The following IL1RAPL1 variants were observed in gnomAD, a reference collection of about 807,000 sequenced individuals.
The protein encoded by IL1RAPL1 is interleukin 1 receptor accessory protein like 1, also known as interleukin-1 receptor accessory protein-like 1.
In IL1RAPL1, 3 loss-of-function variants were observed where a neutral mutation model predicts 48.4. The observed-to-expected ratio is 0.06, with a 90% CI of 0.03 to 0.16. IL1RAPL1 has a LOEUF of 0.16. IL1RAPL1 is among the 10% of genes least tolerant of loss of function. The pLI is 1.00. For synonymous variants in IL1RAPL1, 185 were observed against 187.7 expected (o/e 0.99, Z 0.12); for missense variants, 349 against 530.6 (o/e 0.66, Z 3.36).
chrX:28,927,398 A>G (rs1236539532), intron 2 of IL1RAPL1, among the ~76,000 whole-genome samples: 1 of 111,569 alleles, frequency 9.0e-6, no homozygotes, highest in African/African-American at 3.3e-5. Flanking sequence ...CTGTTTTCTA[A>G]CTTTAAACCC....
At chrX:29,453,623 A>T (rs67856517) in intron 5 of IL1RAPL1, among the ~76,000 whole-genome samples, 8,203 of 111,072 alleles carry the variant, frequency 0.074, 455 homozygotes, top group African/African-American at 0.19. Context: ...CTGCACATTG[A>T]CATCATCTGG....
At chrX:29,533,847 G>T (rs756463942) in intron 5 of IL1RAPL1, among the ~76,000 whole-genome samples, 1 of 111,694 alleles carries the variant, frequency 9.0e-6, no homozygotes, top group Admixed American at 9.5e-5. Flanking sequence ...TAATCCATTT[G>T]CTAGAGTTGG....
chrX:29,449,780 C>CACACAGAG (rs557765024), intron 5 of IL1RAPL1, among the ~76,000 whole-genome samples: 9 of 58,247 alleles, frequency 1.5e-4, no homozygotes, highest in African/African-American at 3.0e-4. Flanking sequence ...CACACACACA[C>CACACAGAG]AGAGAGAGAG....
chrX:28,680,880 C>T (rs1199313723), intron 1 of IL1RAPL1, among the ~76,000 whole-genome samples: 1 of 111,373 alleles, frequency 9.0e-6, no homozygotes, highest in Admixed American at 9.6e-5. Flanking sequence ...AGGATTTTTG[C>T]ATTGTCTGTA....
chrX:28,835,046 A>T (rs1921169804), intron 2 of IL1RAPL1, among the ~76,000 whole-genome samples: 2 of 111,910 alleles, frequency 1.8e-5, no homozygotes, highest in Admixed American at 1.9e-4. Flanking sequence ...AAGGCCACCA[A>T]AGTGACTTAT....
chrX:29,351,376 T>C (rs1188078190), intron 3 of IL1RAPL1, among the ~76,000 whole-genome samples: 1 of 111,698 alleles, frequency 9.0e-6, no homozygotes, highest in Non-Finnish European at 1.9e-5. Context: ...CTGAATCTAT[T>C]TCCTTAAGTG....
At chrX:28,656,848 A>C (rs1388347971) in intron 1 of IL1RAPL1, among the ~76,000 whole-genome samples, 1 of 109,134 alleles carries the variant, frequency 9.2e-6, no homozygotes, top group East Asian at 2.9e-4. Context: ...AACACGGTGA[A>C]ACCCCCTCTC....
chrX:29,208,604 T>G (rs1293596881), intron 2 of IL1RAPL1, among the ~76,000 whole-genome samples: 2 of 108,170 alleles, frequency 1.8e-5, no homozygotes, highest in Non-Finnish European at 3.8e-5. Context: ...CCAGCTACTC[T>G]GGAGGCTGAG....
chrX:29,119,662 G>C, intron 2 of IL1RAPL1, among the ~76,000 whole-genome samples: 1 of 111,093 alleles, frequency 9.0e-6, no homozygotes, highest in East Asian at 2.8e-4. Flanking sequence ...TGGAGGCTAA[G>C]TGTGGACCAA....
At chrX:29,771,138 ACT>A (rs1381698050) in intron 6 of IL1RAPL1, among the ~76,000 whole-genome samples, 2 of 111,495 alleles carry the variant, frequency 1.8e-5, no homozygotes. Context: ...GAAGCAGGAG[ACT>A]CTATAAGTTT....
chrX:29,148,110 G>T (rs1929385728), intron 2 of IL1RAPL1, among the ~76,000 whole-genome samples: 1 of 111,516 alleles, frequency 9.0e-6, no homozygotes, highest in Non-Finnish European at 1.9e-5. Context: ...TGCATATATT[G>T]TATGTGTATG....
Position 29,285,192 on chromosome X carries a change from A to G in IL1RAPL1, c.362+1975A>G, listed in dbSNP as rs193175789. Among the ~76,000 whole-genome samples the G allele has an allele frequency of 1.8e-3, 205 of 110,916 alleles. 1 individual carries two copies. The highest frequency in any genetic ancestry group is 6.3e-3 in the African/African-American group (191 of 30,480). Reference sequence around the variant, plus strand: ...CACTGAGGTTGCAATTCTCTGATGTATTTAAATATACACTGTGATCCAATA... The same window carrying G: ...CACTGAGGTTGCAATTCTCTGATGTGTTTAAATATACACTGTGATCCAATA... On this transcript the variant is annotated intron_variant, in intron 3 of 10. Transcript: ENST00000378993.
intron 2 of IL1RAPL1, among the ~76,000 whole-genome samples, chrX:28,864,373 C>G (rs1922027135): frequency 8.9e-6 from 1 of 111,880 alleles, no homozygotes; most frequent in Non-Finnish European, 1.9e-5. Flanking sequence ...TTTTTCTACT[C>G]TAATGGAGCT....
chrX:28,797,113 G>T (rs1901133875), intron 2 of IL1RAPL1, among the ~76,000 whole-genome samples: 1 of 112,041 alleles, frequency 8.9e-6, no homozygotes, highest in Non-Finnish European at 1.9e-5. Context: ...GGGACATAGG[G>T]CACCAGGTCC....
At chrX:28,612,633 A>AT (rs1308363026) in intron 1 of IL1RAPL1, among the ~76,000 whole-genome samples, 2 of 111,981 alleles carry the variant, frequency 1.8e-5, no homozygotes, top group Non-Finnish European at 3.8e-5. Flanking sequence ...CAAGGACACT[A>AT]TTATTACAAA....
intron 2 of IL1RAPL1, among the ~76,000 whole-genome samples, chrX:29,100,214 A>T (rs1196298268): frequency 3.6e-5 from 4 of 111,764 alleles, no homozygotes; most frequent in Non-Finnish European, 5.6e-5. Flanking sequence ...CCATCTCCAA[A>T]AAATAAATAA....
intron 2 of IL1RAPL1, among the ~76,000 whole-genome samples, chrX:28,931,780 G>GTA (rs1228484906): frequency 2.7e-5 from 3 of 111,394 alleles, no homozygotes; most frequent in South Asian, 7.5e-4. Flanking sequence ...GCTCACGCCT[G>GTA]TAATCCCAGC....
At chrX:29,664,579 G>T (rs1925947912) in intron 5 of IL1RAPL1, among the ~76,000 whole-genome samples, 1 of 111,366 alleles carries the variant, frequency 9.0e-6, no homozygotes, top group African/African-American at 3.3e-5. Flanking sequence ...ACTTTTAAAG[G>T]CGTGATTGTT....
intron 5 of IL1RAPL1, among the ~76,000 whole-genome samples, chrX:29,537,525 A>G (rs1190315266): frequency 9.2e-6 from 1 of 108,717 alleles, no homozygotes; most frequent in African/African-American, 3.3e-5. Flanking sequence ...ACCCCCTTTT[A>G]TTGGAGTAAA....
Sources: allele counts gnomAD v4.1 joint callset (sites outside exome capture counted in the v4.1 genomes callset), GRCh38; gene constraint gnomAD v4.1.1; transcripts MANE v1.5; gene names NCBI Gene and HGNC (gene_info 2026-07-23, HGNC 2026-07-21).